The following GALNT13 variants were observed in gnomAD, a reference collection of about 807,000 sequenced individuals.
The protein encoded by GALNT13 is polypeptide N-acetylgalactosaminyltransferase 13, also known as UDP-GalNAc:polypeptide N-acetylgalactosaminyltransferase 13.
Under a neutral mutation model 64.2 loss-of-function variants are expected in GALNT13, and 28 were observed. The observed-to-expected ratio is 0.44, with a 90% confidence interval of 0.32 to 0.60. GALNT13 has a LOEUF of 0.60. GALNT13 is among the 20% of genes least tolerant of loss of function. GALNT13 has a pLI of 0.05. For synonymous variants in GALNT13, 214 were observed against 224.6 expected (o/e 0.95, Z 0.42); for missense variants, 577 against 669.8 (o/e 0.86, Z 1.53).
chr2:154,178,407 G>A (rs1685771331), intron 4 of GALNT13, among the ~76,000 whole-genome samples: 1 of 131,684 alleles, frequency 7.6e-6, no homozygotes, highest in Non-Finnish European at 1.6e-5. Flanking sequence ...CACACACCGG[G>A]GACTGTTGTG....
intron 2 of GALNT13, among the ~76,000 whole-genome samples, chr2:153,924,258 G>T (rs923394389): frequency 7.3e-6 from 1 of 136,628 alleles, no homozygotes; most frequent in Non-Finnish European, 1.5e-5. Context: ...TTGCCCCCAT[G>T]TGTCTATGTG....
At chr2:153,563,161 A>C in the GALNT13 span, among the ~76,000 whole-genome samples, 1 of 151,798 alleles carries the variant, frequency 6.6e-6, no homozygotes. Flanking sequence ...CTTCCATAAT[A>C]TCTCTTCAAG....
intron 6 of GALNT13, among the ~76,000 whole-genome samples, chr2:154,243,461 C>T (rs1689606544): frequency 1.3e-5 from 2 of 151,904 alleles, no homozygotes; most frequent in Admixed American, 6.6e-5. Flanking sequence ...ACACACACAG[C>T]ACTGAAAAAA....
chr2:153,536,549 AGAGAGATATC>A, the GALNT13 span, among the ~76,000 whole-genome samples: 1 of 152,180 alleles, frequency 6.6e-6, no homozygotes, highest in Non-Finnish European at 1.5e-5. Flanking sequence ...AGAAACCAGG[AGAGAGATATC>A]AAGTTTTAAA....
chr2:153,940,689 T>G (rs1341930355), intron 2 of GALNT13, among the ~76,000 whole-genome samples: 2 of 152,172 alleles, frequency 1.3e-5, no homozygotes, highest in African/African-American at 4.8e-5. Flanking sequence ...TATTTGGTCA[T>G]TAGTTCACAG....
At chr2:153,325,727 T>C in the GALNT13 span, among the ~76,000 whole-genome samples, 1 of 152,216 alleles carries the variant, frequency 6.6e-6, no homozygotes, top group Admixed American at 6.5e-5. Flanking sequence ...AAAGAACTTA[T>C]TTATTTCTGC....
chr2:154,421,745 G>C (rs1700262637), intron 11 of GALNT13, among the ~76,000 whole-genome samples: 2 of 151,904 alleles, frequency 1.3e-5, no homozygotes, highest in African/African-American at 4.8e-5. Flanking sequence ...AGTATGAAAT[G>C]GGTTTTTTCT....
intron 3 of GALNT13, among the ~76,000 whole-genome samples, chr2:154,111,228 T>C (rs1266143656): frequency 1.3e-5 from 2 of 152,146 alleles, no homozygotes; most frequent in African/African-American, 4.8e-5. Context: ...CCTGGTGGAG[T>C]GACCCAAACT....
the GALNT13 span, among the ~76,000 whole-genome samples, chr2:153,254,152 T>C: frequency 1.3e-5 from 2 of 152,184 alleles, no homozygotes; most frequent in African/African-American, 4.8e-5. Context: ...CAGATCCTGT[T>C]ATTGGTCTAT....
chr2:154,246,610 C>T (rs994049740), intron 7 of GALNT13, among the ~76,000 whole-genome samples: 3 of 152,028 alleles, frequency 2.0e-5, no homozygotes, highest in Admixed American at 6.6e-5. Flanking sequence ...GTATCATCTT[C>T]CTACTTAAAC....
the GALNT13 span, among the ~76,000 whole-genome samples, chr2:153,606,658 C>T: frequency 6.6e-6 from 1 of 152,114 alleles, no homozygotes; most frequent in South Asian, 2.1e-4. Context: ...ACTCTCAGGC[C>T]AAATTATATG....
intron 1 of GALNT13, among the ~76,000 whole-genome samples, chr2:153,882,236 T>G (rs1686835159): frequency 6.6e-6 from 1 of 152,006 alleles, no homozygotes; most frequent in Non-Finnish European, 1.5e-5. Context: ...AGATTCACTC[T>G]GCCCATATTA....
the GALNT13 span, among the ~76,000 whole-genome samples, chr2:153,291,598 GC>G: frequency 1.0e-3 from 156 of 152,166 alleles, no homozygotes; most frequent in African/African-American, 3.5e-3. Flanking sequence ...AAACTGGAAG[GC>G]GGCTCCTGCT....
At chr2:154,174,215 G>A (rs1685522849) in intron 4 of GALNT13, among the ~76,000 whole-genome samples, 1 of 152,170 alleles carries the variant, frequency 6.6e-6, no homozygotes, top group Non-Finnish European at 1.5e-5. Flanking sequence ...GATGGTCTAA[G>A]TGGATTTAGC....
At chr2:153,201,131 G>A in the GALNT13 span, among the ~76,000 whole-genome samples, 6 of 152,112 alleles carry the variant, frequency 3.9e-5, no homozygotes, top group South Asian at 1.2e-3. Context: ...AACTCCATCT[G>A]GTCCTGCATC....
At chr2:153,215,189 T>TC in the GALNT13 span, among the ~76,000 whole-genome samples, 29 of 151,988 alleles carry the variant, frequency 1.9e-4, no homozygotes, top group African/African-American at 6.3e-4. Context: ...TAGTAAAAAG[T>TC]CCCCCTCCAG....
chr2:153,200,633 G>A, the GALNT13 span, among the ~76,000 whole-genome samples: 75,270 of 152,062 alleles, frequency 0.49, 19,251 homozygotes, highest in African/African-American at 0.61. Context: ...CACAGGAAAT[G>A]CTTGTGGGAT....
intron 9 of GALNT13, among the ~76,000 whole-genome samples, chr2:154,333,963 G>A (rs1003007758): frequency 6.6e-6 from 1 of 151,988 alleles, no homozygotes; most frequent in African/African-American, 2.4e-5. Context: ...TTCTACAATT[G>A]TCGTAACTTG....
chr2:153,284,253 C>T, the GALNT13 span, among the ~76,000 whole-genome samples: 2 of 152,134 alleles, frequency 1.3e-5, no homozygotes, highest in African/African-American at 4.8e-5. Context: ...CTGGCTGTAG[C>T]TCTTGTTGCT....
Sources: gnomAD v4.1 joint callset for allele counts (sites outside exome capture counted in the v4.1 genomes callset) on GRCh38, gnomAD v4.1.1 for gene constraint, MANE v1.5 for transcripts, NCBI Gene and HGNC (gene_info 2026-07-23, HGNC 2026-07-21) for gene names.